The following MAST1 variants were observed in gnomAD, a reference collection of about 807,000 sequenced individuals.
MAST1 encodes microtubule associated serine/threonine kinase 1.
In MAST1, 40 loss-of-function variants were observed where a neutral mutation model predicts 124.6. The observed-to-expected ratio is 0.32, with a 90% CI of 0.25 to 0.42. The LOEUF is 0.42. Among genes scored for constraint, MAST1 ranks in the 10% least tolerant of loss-of-function variants. The pLI is 1.00. For missense variants in MAST1, 1,558 were observed against 2,181.9 expected (o/e 0.71, Z 5.70); for synonymous variants, 938 against 939.4 (o/e 1.00, Z 0.03).
rs752630429 is a variant in MAST1 at position 12,871,105 on chromosome 19, C to T, written c.3196C>T (p.Arg1066Cys). 9 of 1,614,224 alleles carry T rather than the reference C, an allele frequency of 5.6e-6. No homozygotes were observed. The highest frequency in any genetic ancestry group is 1.1e-5 in the South Asian group (1 of 91,088). ...NTSIRIGPAR[R>C]SSYKAKMARR... is the part of the protein sequence containing the mutation. ...CTCTATCCGCATTGGTCCCGCAAGG[C>T]GCAGCAGCTACAAGGCTAAAATGGC... is the stretch of plus-strand genomic sequence containing the variant. Residue 1066 changes from arginine to cysteine, a missense_variant, in exon 24 of 26, where the codon CGC becomes TGC. Physicochemically the swap from Arg to Cys is radical, Grantham distance 180. This residue lies in a region of MAST1 where 291 missense variants were observed against 475.8 expected (regional missense o/e 0.61). Coordinates refer to ENST00000251472, the MANE Select transcript of MAST1 (RefSeq NM_014975.3).
At chr19:12,870,146 A>G (rs1218835402) in intron 22 of MAST1, among the ~76,000 whole-genome samples, 1 of 124,766 alleles carries the variant, frequency 8.0e-6, no homozygotes, top group East Asian at 2.5e-4. Flanking sequence ...GCGCCACTGC[A>G]CTTTAGCCTG....
chr19:12,852,318 C>A lies in MAST1; in HGVS notation c.1010-10C>A, dbSNP rs746841933. 15 of 1,613,994 alleles carry A rather than the reference C, an allele frequency of 9.3e-6. No homozygotes were observed. The African/African-American group carries it at 9.3e-5, about 10-fold the overall frequency. On this transcript the variant is annotated splice_polypyrimidine_tract_variant and intron_variant, in intron 9 of 25. Transcript: ENST00000251472. ...AACCCAGCTCGTGCTCACTCTCAGT[C>A]CCTCCCTAGATGTGGTGCATCTGGA... is the stretch of plus-strand genomic sequence containing the variant.
intron 19 of MAST1, 28 bp downstream of exon 19, chr19:12,867,680 G>A (rs1198195851): frequency 6.5e-7 from 1 of 1,550,196 alleles, no homozygotes; most frequent in Non-Finnish European, 8.7e-7. Flanking sequence ...GGAGTTTGGG[G>A]GCGGGGTCGA....
At chr19:12,867,123 C>A (rs913438270) in intron 18 of MAST1, among the ~76,000 whole-genome samples, 1 of 152,098 alleles carries the variant, frequency 6.6e-6, no homozygotes, top group Admixed American at 6.6e-5. Context: ...TTTCTAATAA[C>A]GGGCAGAGAA....
intron 10 of MAST1, among the ~76,000 whole-genome samples, chr19:12,854,968 C>T (rs898269445): frequency 3.9e-5 from 6 of 152,262 alleles, no homozygotes; most frequent in African/African-American, 7.2e-5. Context: ...TGATGGCTCA[C>T]GGCTGTAATC....
intron 3 of MAST1, among the ~76,000 whole-genome samples, chr19:12,842,144 T>C (rs914252048): frequency 3.9e-5 from 6 of 152,074 alleles, no homozygotes; most frequent in Admixed American, 2.6e-4. Context: ...TGTAGGATTG[T>C]AAGTGTCTGT....
Position 12,838,522 on chromosome 19 carries a change from C to CCGA in MAST1, c.-49_-48insACG, listed in dbSNP as rs1447693406. On this transcript the variant is annotated 5_prime_UTR_variant, in exon 1 of 26. Coordinates refer to ENST00000251472, the MANE Select transcript of MAST1 (RefSeq NM_014975.3). This position sits in a 1 kb window ranked among gnomAD's most constrained non-coding sequence, Gnocchi z 4.3. The stretch of plus-strand genomic sequence containing the variant: ...CTTGCTCCCCGCGCCGCCGCCGCCG[C>CCGA]CGCCTCCGCCGCTGCTGCCGCACCT... 13 of 1,376,922 alleles carry CCGA rather than the reference C, an allele frequency of 9.4e-6. No individual in the cohort carries two copies. The highest frequency in any genetic ancestry group is 1.2e-5 in the Non-Finnish European group (13 of 1,043,504). The allele number at this position is 1,376,922 out of a possible 1,614,324, so 85.3% of individuals were successfully genotyped here.
chr19:12,854,847 C>T (rs1970001242), intron 10 of MAST1, among the ~76,000 whole-genome samples: 1 of 152,148 alleles, frequency 6.6e-6, no homozygotes, highest in East Asian at 1.9e-4. Context: ...ATTCCCAGGC[C>T]AGCCACACTT....
At chr19:12,859,319 A>T (rs1426700292) in intron 12 of MAST1, among the ~76,000 whole-genome samples, 1 of 152,102 alleles carries the variant, frequency 6.6e-6, no homozygotes, top group African/African-American at 2.4e-5. Flanking sequence ...ACCTTAAGTG[A>T]TCTGCCTGCC....
chr19:12,871,107 C>A lies in MAST1; in HGVS notation c.3198C>A (p.Arg1066=). Residue 1066 remains arginine, a synonymous_variant, in exon 24 of 26, where the codon CGC becomes CGA. Transcript: ENST00000251472. The part of the protein sequence containing the change: ...NTSIRIGPAR[R]SSYKAKMARR... Reference sequence around the variant, plus strand: ...CTATCCGCATTGGTCCCGCAAGGCGCAGCAGCTACAAGGCTAAAATGGCTC... The same window carrying A: ...CTATCCGCATTGGTCCCGCAAGGCGAAGCAGCTACAAGGCTAAAATGGCTC... 6.2e-7 allele frequency: 1 copy of A among 1,614,244 alleles called. No individual in the cohort carries two copies. The highest frequency in any genetic ancestry group is 1.1e-5 in the South Asian group (1 of 91,086).
chr19:12,869,259 T>A lies in MAST1; in HGVS notation c.2967T>A (p.Gly989=). 1 of 1,614,028 alleles carries A rather than the reference T, an allele frequency of 6.2e-7. No individual in the cohort carries two copies. The highest frequency in any genetic ancestry group is 8.5e-7 in the Non-Finnish European group (1 of 1,179,982). The change falls in exon 22 of 26, where the codon GGT becomes GGA. Residue 989 remains glycine, a synonymous_variant. Transcript: ENST00000251472. ...FTLRAIRVYM[G]DTDVYSVHHI... ...TGCGTGCCATCCGTGTCTACATGGGTGACACGGATGTCTATAGTGTCCACC... is the reference window on the plus strand; with the variant it reads ...TGCGTGCCATCCGTGTCTACATGGGAGACACGGATGTCTATAGTGTCCACC...
chr19:12,864,082 G>A (rs2060717668), intron 12 of MAST1, among the ~76,000 whole-genome samples: 1 of 152,050 alleles, frequency 6.6e-6, no homozygotes, highest in South Asian at 2.1e-4. Context: ...CTGCCAACAA[G>A]CCAGGCTAAC....
Position 12,870,928 on chromosome 19 carries a change from C to T in MAST1, c.3108C>T (p.Val1036=), listed in dbSNP as rs781234122. Residue 1036 remains valine (V), a synonymous_variant, in exon 23 of 26, where the codon GTC becomes GTT. Coordinates refer to ENST00000251472, the MANE Select transcript of MAST1 (RefSeq NM_014975.3). ...EPVHGMVHPE[V]VELILKSGNK... is the part of the protein sequence containing the mutation. ...TGCATGGCATGGTGCATCCTGAGGT[C>T]GTGGAGCTGATCCTTAAGGTGAGTG... 1.2e-6 allele frequency: 2 copies of T among 1,613,180 alleles called. No homozygotes were observed. Among genetic ancestry groups the T allele is most frequent in the South Asian group, 1.1e-5 (1 of 91,064 alleles).
intron 12 of MAST1, among the ~76,000 whole-genome samples, chr19:12,862,647 T>G (rs1474677162): frequency 1.3e-5 from 2 of 151,546 alleles, no homozygotes; most frequent in Non-Finnish European, 2.9e-5. Flanking sequence ...TGTTGTTGTT[T>G]TTTTCTTTTC....
chr19:12,867,689 G>A (rs368725354), intron 19 of MAST1, 37 bp downstream of exon 19: 4 of 1,540,006 alleles, frequency 2.6e-6, no homozygotes, highest in African/African-American at 2.8e-5. Context: ...GGGCGGGGTC[G>A]AAGGGGGCGT....
chr19:12,865,861 A>G lies in MAST1; in HGVS notation c.1906+43A>G. The G allele has an allele frequency of 1.2e-6, 2 of 1,603,556 alleles. No individual in the cohort carries two copies. The highest frequency in any genetic ancestry group is 1.1e-5 in the South Asian group (1 of 90,422). On this transcript the variant is annotated intron_variant, in intron 16 of 25. Coordinates refer to ENST00000251472, the MANE Select transcript of MAST1 (RefSeq NM_014975.3). The surrounding 1 kb of genome is among the most constrained non-coding windows in gnomAD (Gnocchi z 7.1). Reference sequence around the variant, plus strand: ...AGGAGCTGAGGGCCCACTGATAGAGAGCAGGCCTCCAAAACCCCAGGCCCA... The same window carrying G: ...AGGAGCTGAGGGCCCACTGATAGAGGGCAGGCCTCCAAAACCCCAGGCCCA...
chr19:12,853,685 T>C (rs1410640817), intron 10 of MAST1, among the ~76,000 whole-genome samples: 2 of 152,036 alleles, frequency 1.3e-5, no homozygotes, highest in Non-Finnish European at 2.9e-5. Flanking sequence ...CTGGCCAACA[T>C]GGTGAAACCC....
intron 7 of MAST1, among the ~76,000 whole-genome samples, chr19:12,851,051 G>A (rs888800106): frequency 5.3e-5 from 8 of 150,434 alleles, no homozygotes; most frequent in African/African-American, 2.0e-4. Context: ...TGGTTCAAGC[G>A]ATTCTCTTGC....
intron 25 of MAST1, 42 bp from the exon 26 acceptor site, chr19:12,873,567 G>A (rs1372528964): frequency 5.1e-6 from 8 of 1,580,602 alleles, no homozygotes. Flanking sequence ...CCTGGCTGGT[G>A]CTTGGGCTGT....
Sources: allele counts gnomAD v4.1 joint callset (sites outside exome capture counted in the v4.1 genomes callset), GRCh38; gene constraint gnomAD v4.1.1; regional missense constraint gnomAD v4.1.1; non-coding constraint Gnocchi (gnomAD v3.1); transcripts MANE v1.5; gene names NCBI Gene and HGNC (gene_info 2026-07-23, HGNC 2026-07-21).